CFHR2: variants seen among roughly 807,000 people sequenced by gnomAD.
CFHR2 encodes the protein complement factor H-related protein 2.
CFHR2 carries 22 observed loss-of-function variants against 21.7 expected under a neutral mutation model. That is an observed-to-expected ratio of 1.01 (90% confidence interval 0.72 to 1.45). The LOEUF is 1.45. Among genes scored for constraint, CFHR2 ranks in the 40% most tolerant of loss-of-function variants. The pLI, the probability that CFHR2 is intolerant of heterozygous loss-of-function variation, is 0.00. For synonymous variants in CFHR2, 98 were observed against 97.4 expected, an observed-to-expected ratio of 1.01 and a Z score of -0.04; for missense variants, 294 against 293.3, an observed-to-expected ratio of 1.00 and a Z score of -0.02.
chr1:196,954,790 G>A (rs150130812), intron 3 of CFHR2, among the ~76,000 whole-genome samples: 172 of 152,326 alleles, frequency 1.1e-3, no homozygotes, highest in African/African-American at 3.8e-3. Context: ...CTATATGTTG[G>A]CCCCATTTAG....
chr1:196,947,416 A>T (rs1191646543), intron 1 of CFHR2, among the ~76,000 whole-genome samples: 1 of 152,198 alleles, frequency 6.6e-6, no homozygotes, highest in Non-Finnish European at 1.5e-5. Flanking sequence ...ATGTATGAAA[A>T]TAAACTACTA....
At chr1:196,954,499 C>T (rs1012323790) in intron 3 of CFHR2, among the ~76,000 whole-genome samples, 1 of 152,218 alleles carries the variant, frequency 6.6e-6, no homozygotes, top group African/African-American at 2.4e-5. Flanking sequence ...CATAGCTCCA[C>T]TAGGCAGTGC....
chr1:196,951,790 T>G (rs775483772), intron 3 of CFHR2, among the ~76,000 whole-genome samples: 9 of 152,120 alleles, frequency 5.9e-5, no homozygotes, highest in Non-Finnish European at 1.2e-4. Context: ...ACTGACATTA[T>G]TAGTCTCAAC....
At chr1:196,953,340 T>C (rs1448822632) in intron 3 of CFHR2, among the ~76,000 whole-genome samples, 5 of 152,126 alleles carry the variant, frequency 3.3e-5, no homozygotes, top group Non-Finnish European at 7.4e-5. Flanking sequence ...TGGAGTACAA[T>C]GGTGGGATCT....
At position 196,950,727 on chromosome 1, in the gene CFHR2, C is replaced by A. The variant is rs997958679; in HGVS notation, c.254-125C>A. ...GCCTCAAATGATCCACTCACCTCAG[C>A]CTCCCAAAGTGCAGGGATTACCAGC... On this transcript the variant is annotated intron_variant, in intron 2 of 4. Transcript: ENST00000367415. 7 of 1,061,248 alleles carry A rather than the reference C, an allele frequency of 6.6e-6. No homozygotes were observed. In the African/African-American group the frequency reaches 1.1e-4, roughly 17 times the overall value. The allele number at this position is 1,061,248 out of a possible 1,614,324, so 65.7% of individuals were successfully genotyped here. A position where few individuals can be genotyped will look rare whatever the true frequency, so the allele number is the denominator to read the frequency against.
intron 1 of CFHR2, among the ~76,000 whole-genome samples, chr1:196,946,756 T>A (rs1215506408): frequency 6.6e-6 from 1 of 152,198 alleles, no homozygotes; most frequent in African/African-American, 2.4e-5. Flanking sequence ...AGGATCTGCC[T>A]CAGGAAACAT....
intron 3 of CFHR2, among the ~76,000 whole-genome samples, chr1:196,952,624 C>T (rs929934972): frequency 2.6e-5 from 4 of 152,168 alleles, no homozygotes; most frequent in African/African-American, 9.7e-5. Context: ...TACAAGCTGG[C>T]TCTTGTGTAC....
chr1:196,957,980 G>A lies in CFHR2; in HGVS notation c.520G>A (p.Val174Ile). The A allele has an allele frequency of 6.2e-7, 1 of 1,613,736 alleles. No homozygotes were observed. Among genetic ancestry groups the A allele is most frequent in the Middle Eastern group, 1.7e-4 (1 of 6,056 alleles). ...LLSVYAPGSS[V>I]EYQCQNLYQL... Reference sequence around the variant, plus strand: ...GTCAGTATATGCTCCAGGTTCATCAGTTGAGTACCAGTGCCAGAACTTGTA... The same window carrying A: ...GTCAGTATATGCTCCAGGTTCATCAATTGAGTACCAGTGCCAGAACTTGTA... Residue 174 changes from valine (V) to isoleucine (I), a missense_variant, in exon 4 of 5, where the codon GTT (valine) becomes ATT (isoleucine). By Grantham distance (29) the Val-to-Ile change is conservative. Coordinates refer to ENST00000367415, the MANE Select transcript of CFHR2 (RefSeq NM_005666.4).
intron 2 of CFHR2, among the ~76,000 whole-genome samples, chr1:196,950,154 C>A (rs1265398036): frequency 6.6e-6 from 1 of 151,966 alleles, no homozygotes; most frequent in Non-Finnish European, 1.5e-5. Context: ...AAAGAGAAAA[C>A]AACTGGGAGA....
rs112814481 is a variant in CFHR2 at position 196,949,662 on chromosome 1, C to T, written c.253+13C>T. The T allele has an allele frequency of 1.2e-3, 1,925 of 1,613,228 alleles. 24 individuals carry two copies. In the African/African-American group the frequency reaches 0.022, roughly 18 times the overall value. On this transcript the variant is annotated intron_variant, in intron 2 of 4. Coordinates refer to ENST00000367415, the MANE Select transcript of CFHR2 (RefSeq NM_005666.4). ...CCAAAGTGTCTCAGTGAGTAAATGC[C>T]CTGTTCATTAAATGGATGTCATTCA...
intron 3 of CFHR2, among the ~76,000 whole-genome samples, chr1:196,952,487 T>C (rs890341190): frequency 4.6e-5 from 7 of 152,222 alleles, no homozygotes; most frequent in Non-Finnish European, 1.0e-4. Context: ...CCTTCAGTGA[T>C]GGCATAAATA....
rs72736421 is a variant in CFHR2 at position 196,953,178 on chromosome 1, C to T, written c.430+2150C>T. On this transcript the variant is annotated intron_variant, in intron 3 of 4. Coordinates refer to ENST00000367415, the MANE Select transcript of CFHR2 (RefSeq NM_005666.4). ...GTGCAATCTCTGGGGGCTGTTATTC[C>T]GTTTACAACACCATGCAATAACCTT... 4.3e-3 allele frequency among the ~76,000 whole-genome samples: 662 copies of T among 152,256 alleles called. 1 individual carries two copies. The highest frequency in any genetic ancestry group is 6.2e-3 in the Admixed American group (95 of 15,294).
chr1:196,950,277 G>A (rs1659676277), intron 2 of CFHR2, among the ~76,000 whole-genome samples: 1 of 151,962 alleles, frequency 6.6e-6, no homozygotes, highest in Non-Finnish European at 1.5e-5. Flanking sequence ...TAAAAGAGTT[G>A]ATAAACATAA....
At chr1:196,958,722 A>G (rs1652997900) in intron 4 of CFHR2, among the ~76,000 whole-genome samples, 159 bp from the exon 5 acceptor site, 1 of 152,114 alleles carries the variant, frequency 6.6e-6, no homozygotes, top group Admixed American at 6.6e-5. Flanking sequence ...TTACCATTTT[A>G]AATTTACTTA....
At chr1:196,953,944 G>A (rs1652758768) in intron 3 of CFHR2, among the ~76,000 whole-genome samples, 1 of 151,990 alleles carries the variant, frequency 6.6e-6, no homozygotes, top group Non-Finnish European at 1.5e-5. Context: ...ATTAATGAAA[G>A]ATGATTAAAT....
chr1:196,948,539 G>C (rs1659604522), intron 1 of CFHR2, among the ~76,000 whole-genome samples: 1 of 152,080 alleles, frequency 6.6e-6, no homozygotes, highest in Non-Finnish European at 1.5e-5. Context: ...GCCTCCCAAA[G>C]TGCTGGGATT....
In CFHR2 at chr1:196,959,203, T is replaced by C; in HGVS notation, c.*123T>C. 1.3e-6 allele frequency: 1 copy of C among 767,890 alleles called. No individual in the cohort carries two copies. 47.6% of individuals were successfully genotyped at this position (767,890 alleles called of 1,614,324 possible). ...TTTATTCATAAATAAAGTTTTGTGT[T>C]GATTTGTGAAAATGCAATTACAATC... On this transcript the variant is annotated 3_prime_UTR_variant, in exon 5 of 5. Transcript: ENST00000367415.
chr1:196,957,328 C>A (rs1571496867), intron 3 of CFHR2, among the ~76,000 whole-genome samples: 1 of 141,416 alleles, frequency 7.1e-6, no homozygotes, highest in Admixed American at 7.5e-5. Flanking sequence ...CTTTCAGAGT[C>A]TTTTTATGTT....
At chr1:196,945,183 T>C (rs1012741584) in intron 1 of CFHR2, among the ~76,000 whole-genome samples, 1 of 146,512 alleles carries the variant, frequency 6.8e-6, no homozygotes, top group Non-Finnish European at 1.5e-5. Context: ...GCCCTTGAAA[T>C]TCGTTTTATT....
Sources: gnomAD v4.1 joint callset for allele counts (sites outside exome capture counted in the v4.1 genomes callset) on GRCh38, gnomAD v4.1.1 for gene constraint, MANE v1.5 for transcripts, NCBI Gene and HGNC (gene_info 2026-07-23, HGNC 2026-07-21) for gene names.